The following HPSE2 variants were observed in gnomAD, a reference collection of about 807,000 sequenced individuals.
HPSE2 encodes the protein inactive heparanase-2.
HPSE2 carries 38 observed loss-of-function variants against 60.5 expected under a neutral mutation model. The observed-to-expected ratio is 0.63, with a 90% CI of 0.48 to 0.82. The LOEUF (loss-of-function observed/expected upper bound fraction) is 0.82, where lower values mean the gene tolerates loss of function less well. HPSE2 is among the 40% of genes least tolerant of loss of function. The pLI is 0.00. For synonymous variants in HPSE2, 295 were observed against 293.2 expected, an observed-to-expected ratio of 1.01 and a Z score of -0.06; for missense variants, 713 against 740.4, an observed-to-expected ratio of 0.96 and a Z score of 0.43.
intron 3 of HPSE2, among the ~76,000 whole-genome samples, chr10:99,122,182 A>G (rs913706047): frequency 1.3e-5 from 2 of 152,210 alleles, no homozygotes; most frequent in Non-Finnish European, 1.5e-5. Flanking sequence ...TAATAACAGA[A>G]GTTATCCTAC....
chr10:99,205,325 A>C (rs1261698228), intron 2 of HPSE2, among the ~76,000 whole-genome samples: 1 of 152,148 alleles, frequency 6.6e-6, no homozygotes, highest in African/African-American at 2.4e-5. Context: ...GTAGTGGCTC[A>C]CACCTATAAT....
At chr10:99,077,591 T>G (rs909492073) in intron 3 of HPSE2, among the ~76,000 whole-genome samples, 2 of 152,108 alleles carry the variant, frequency 1.3e-5, no homozygotes, top group Non-Finnish European at 2.9e-5. Flanking sequence ...TGTGTGTATG[T>G]GTATATGTGT....
intron 9 of HPSE2, among the ~76,000 whole-genome samples, chr10:98,576,207 G>A (rs1054087956): frequency 5.3e-5 from 8 of 152,126 alleles, no homozygotes; most frequent in Middle Eastern, 3.4e-3. Context: ...AGGTGTCATG[G>A]AAGAGCACAA....
At chr10:98,937,904 G>C (rs1447668019) in intron 3 of HPSE2, among the ~76,000 whole-genome samples, 1 of 143,464 alleles carries the variant, frequency 7.0e-6, no homozygotes, top group Non-Finnish European at 1.5e-5. Context: ...CCAGAGGAAC[G>C]ATCAGACAGC....
chr10:98,538,660 G>C lies in HPSE2; in HGVS notation c.1321-48464C>G, dbSNP rs939880606. Among the ~76,000 whole-genome samples the C allele has an allele frequency of 1.6e-4, 24 of 152,074 alleles. No individual in the cohort carries two copies. The East Asian group carries it at 2.5e-3, about 16-fold the overall frequency. The stretch of plus-strand genomic sequence containing the variant: ...ACTCTGCTTTTGCTGCCTGGGAATT[G>C]GATTTTTTTAAAGCTCCCCAGATGA... On this transcript the variant is annotated intron_variant, in intron 9 of 11. Coordinates refer to ENST00000370552, the MANE Select transcript of HPSE2 (RefSeq NM_021828.5).
chr10:99,188,389 A>T (rs1282104971), intron 2 of HPSE2, among the ~76,000 whole-genome samples: 1 of 152,212 alleles, frequency 6.6e-6, no homozygotes, highest in Non-Finnish European at 1.5e-5. Flanking sequence ...AACTCACCAA[A>T]TTATATACTT....
chr10:98,965,573 C>A (rs1269393144), intron 3 of HPSE2, among the ~76,000 whole-genome samples: 1 of 152,108 alleles, frequency 6.6e-6, no homozygotes, highest in South Asian at 2.1e-4. Context: ...AGTCCAACTC[C>A]CGTATTCACT....
intron 3 of HPSE2, among the ~76,000 whole-genome samples, chr10:98,871,457 A>T (rs2134831233): frequency 6.6e-6 from 1 of 152,184 alleles, no homozygotes; most frequent in Admixed American, 6.6e-5. Context: ...CTTTTAGCTA[A>T]AATTTCTTGG....
intron 3 of HPSE2, among the ~76,000 whole-genome samples, chr10:98,982,360 T>G (rs552352123): frequency 1.3e-5 from 2 of 152,134 alleles, no homozygotes; most frequent in East Asian, 3.8e-4. Flanking sequence ...ATAAAACAGA[T>G]GGAAGATCTA....
At chr10:98,885,593 C>T (rs941517725) in intron 3 of HPSE2, among the ~76,000 whole-genome samples, 1 of 152,104 alleles carries the variant, frequency 6.6e-6, no homozygotes. Context: ...GATTAGTCAG[C>T]ATTTGTCAAC....
At chr10:99,092,174 A>G (rs1292967651) in intron 3 of HPSE2, among the ~76,000 whole-genome samples, 1 of 152,160 alleles carries the variant, frequency 6.6e-6, no homozygotes, top group Non-Finnish European at 1.5e-5. Flanking sequence ...TATAGGAAAA[A>G]CTGTTTTAAC....
At position 99,066,975 on chromosome 10, in the gene HPSE2, T is replaced by C. The variant is rs557735490; in HGVS notation, c.610+77263A>G. Reference sequence around the variant, plus strand: ...AGTTACTTCCTAGATACAATGAGGGTACAGGCATTGGGTAAATACACTCAT... The same window carrying C: ...AGTTACTTCCTAGATACAATGAGGGCACAGGCATTGGGTAAATACACTCAT... On this transcript the variant is annotated intron_variant, in intron 3 of 11. Transcript: ENST00000370552. Among the ~76,000 whole-genome samples, 3 of 152,226 alleles carry C rather than the reference T, an allele frequency of 2.0e-5. No individual in the cohort carries two copies. In the East Asian group the frequency reaches 5.8e-4, roughly 29 times the overall value.
chr10:98,556,294 C>A (rs1944005915), intron 9 of HPSE2, among the ~76,000 whole-genome samples: 1 of 152,118 alleles, frequency 6.6e-6, no homozygotes, highest in Admixed American at 6.6e-5. Flanking sequence ...AACAACAGAT[C>A]CTAATAGAGA....
intron 3 of HPSE2, among the ~76,000 whole-genome samples, chr10:98,954,817 G>A (rs1057072995): frequency 6.6e-6 from 1 of 151,808 alleles, no homozygotes; most frequent in African/African-American, 2.4e-5. Context: ...TATATATATA[G>A]CTTAGGTTAT....
chr10:98,945,022 C>T lies in HPSE2; in HGVS notation c.610+199216G>A, dbSNP rs149922537. 1.4e-4 allele frequency among the ~76,000 whole-genome samples: 21 copies of T among 152,252 alleles called. No homozygotes were observed. In the East Asian group the frequency reaches 3.9e-3, roughly 28 times the overall value. On this transcript the variant is annotated intron_variant, in intron 3 of 11. Transcript: ENST00000370552. ...TTGCTGTCACGCCACAATGGTTGCT[C>T]AATCAACTGCAAATTCACTTAGGTG...
the HPSE2 span, among the ~76,000 whole-genome samples, chr10:99,244,947 G>A: frequency 6.6e-6 from 1 of 151,780 alleles, no homozygotes; most frequent in Non-Finnish European, 1.5e-5. Flanking sequence ...TTCAATACTA[G>A]TTATATTAAA....
intron 6 of HPSE2, among the ~76,000 whole-genome samples, chr10:98,688,216 A>C (rs888201438): frequency 6.6e-6 from 1 of 152,072 alleles, no homozygotes; most frequent in Non-Finnish European, 1.5e-5. Flanking sequence ...AATTCCATTT[A>C]CTGACTCCTC....
intron 6 of HPSE2, among the ~76,000 whole-genome samples, chr10:98,644,501 A>G (rs1946717167): frequency 6.6e-6 from 1 of 152,198 alleles, no homozygotes; most frequent in Admixed American, 6.5e-5. Flanking sequence ...GGCTGTGATT[A>G]TGTTGTAAAA....
chr10:98,999,250 T>C (rs1273602169), intron 3 of HPSE2, among the ~76,000 whole-genome samples: 1 of 151,618 alleles, frequency 6.6e-6, no homozygotes, highest in Non-Finnish European at 1.5e-5. Flanking sequence ...CTCATCATAA[T>C]GGGCAATAAA....
Sources: gnomAD v4.1 joint callset for allele counts (sites outside exome capture counted in the v4.1 genomes callset) on GRCh38, gnomAD v4.1.1 for gene constraint, MANE v1.5 for transcripts, NCBI Gene and HGNC (gene_info 2026-07-23, HGNC 2026-07-21) for gene names.